CCN4: variants seen among roughly 807,000 people sequenced by gnomAD.
The protein encoded by CCN4 is CCN family member 4.
Under a neutral mutation model 36.7 loss-of-function variants are expected in CCN4, and 30 were observed. That is an observed-to-expected ratio of 0.82 (90% CI 0.61 to 1.11). CCN4 has a LOEUF of 1.11. Ranked by LOEUF, CCN4 falls within the 50% of genes least tolerant of loss-of-function variation. The pLI is 0.00. For synonymous variants in CCN4, 191 were observed against 195.4 expected (o/e 0.98, Z 0.19); for missense variants, 505 against 504.9 (o/e 1.00, Z 0.00).
chr8:133,215,735 AC>A (rs1292573804), intron 2 of CCN4, among the ~76,000 whole-genome samples: 4 of 152,228 alleles, frequency 2.6e-5, no homozygotes, highest in African/African-American at 9.6e-5. Context: ...TTTGAAAAAA[AC>A]AAAAACTGTA....
At chr8:133,217,952 A>G (rs990528214) in intron 2 of CCN4, among the ~76,000 whole-genome samples, 1 of 151,802 alleles carries the variant, frequency 6.6e-6, no homozygotes, top group Non-Finnish European at 1.5e-5. Context: ...ACACACACAC[A>G]CACACACACT....
At chr8:133,200,941 C>A (rs138675601) in intron 1 of CCN4, among the ~76,000 whole-genome samples, 1 of 152,296 alleles carries the variant, frequency 6.6e-6, no homozygotes, top group Non-Finnish European at 1.5e-5. Context: ...CCCTCTCTGC[C>A]CTCCCTCTCA....
At chr8:133,204,038 C>T (rs1363616772) in intron 1 of CCN4, among the ~76,000 whole-genome samples, 7 of 151,816 alleles carry the variant, frequency 4.6e-5, no homozygotes, top group African/African-American at 7.3e-5. Flanking sequence ...ATTTTTTTTC[C>T]TTCCCAATTT....
intron 1 of CCN4, among the ~76,000 whole-genome samples, chr8:133,208,820 T>G (rs148146628): frequency 3.3e-5 from 5 of 152,276 alleles, no homozygotes; most frequent in Admixed American, 3.3e-4. Flanking sequence ...CAGGTCTGCT[T>G]GGCTCTCACA....
intron 1 of CCN4, among the ~76,000 whole-genome samples, chr8:133,203,702 C>A (rs1044632453): frequency 1.3e-5 from 2 of 152,114 alleles, no homozygotes; most frequent in African/African-American, 4.8e-5. Context: ...TTGCAGATGA[C>A]GTGCCCTTTC....
chr8:133,191,746 G>A (rs1326962252), intron 1 of CCN4, among the ~76,000 whole-genome samples: 11 of 152,214 alleles, frequency 7.2e-5, no homozygotes, highest in Admixed American at 7.2e-4. Context: ...TCCTTATTGA[G>A]CAAACAGTGC....
chr8:133,203,690 C>T (rs1853667638), intron 1 of CCN4, among the ~76,000 whole-genome samples: 1 of 152,176 alleles, frequency 6.6e-6, no homozygotes, highest in Non-Finnish European at 1.5e-5. Context: ...GGGGTCCCCT[C>T]ATTGCAGATG....
chr8:133,224,229 C>CTTTTTTTTTTTT lies in CCN4; in HGVS notation c.611-1143_611-1132dup, dbSNP rs59929763. 1.1e-4 allele frequency among the ~76,000 whole-genome samples: 10 copies of CTTTTTTTTTTTT among 88,494 alleles called. 5 individuals are homozygous for CTTTTTTTTTTTT. The highest frequency in any genetic ancestry group is 8.9e-5 in the African/African-American group (2 of 22,448). The allele number at this position is 88,494 out of a possible 152,430, so 58.1% of individuals were successfully genotyped here. A position where few individuals can be genotyped will look rare whatever the true frequency, so the allele number is the denominator to read the frequency against. On this transcript the variant is annotated intron_variant, in intron 3 of 4. Transcript: ENST00000250160. ...GATTTGAATTTGAAGCCCGTAAGTCCTTTTTTTTTTTTTTTTTTTTTTTTT... is the reference window on the plus strand; with the variant it reads ...GATTTGAATTTGAAGCCCGTAAGTCCTTTTTTTTTTTTTTTTTTTTTTTTTTTTTTTTTTTTT...
chr8:133,214,103 G>GTAGTTATACATACTATATATACAC (rs1854217983), intron 2 of CCN4, among the ~76,000 whole-genome samples: 1 of 74,572 alleles, frequency 1.3e-5, no homozygotes, highest in Non-Finnish European at 2.5e-5. Flanking sequence ...ACTATATATA[G>GTAGTTATACATACTATATATACAC]TATATATAGT....
At chr8:133,205,385 C>T (rs1306829631) in intron 1 of CCN4, among the ~76,000 whole-genome samples, 3 of 151,716 alleles carry the variant, frequency 2.0e-5, no homozygotes, top group Admixed American at 6.6e-5. Context: ...CTTTTTTTTC[C>T]CCCTCCTCTG....
chr8:133,199,404 T>C (rs955736428), intron 1 of CCN4, among the ~76,000 whole-genome samples: 2 of 152,274 alleles, frequency 1.3e-5, no homozygotes, highest in African/African-American at 4.8e-5. Context: ...TTAAATTTCC[T>C]GGGTCTCAGT....
At chr8:133,203,629 G>A (rs1460313639) in intron 1 of CCN4, among the ~76,000 whole-genome samples, 1 of 152,160 alleles carries the variant, frequency 6.6e-6, no homozygotes, top group Non-Finnish European at 1.5e-5. Flanking sequence ...AGGTGAGCAC[G>A]GCTCCAGATC....
intron 1 of CCN4, among the ~76,000 whole-genome samples, chr8:133,191,487 C>T (rs565432519): frequency 1.1e-4 from 16 of 152,260 alleles, no homozygotes; most frequent in Admixed American, 4.6e-4. Context: ...GCAGAAAGAA[C>T]GGGGCCCTCA....
At chr8:133,202,411 C>A (rs577508266) in intron 1 of CCN4, among the ~76,000 whole-genome samples, 7 of 152,258 alleles carry the variant, frequency 4.6e-5, no homozygotes, top group Admixed American at 4.6e-4. Flanking sequence ...CTGACACTGG[C>A]CACTGCATGT....
intron 1 of CCN4, among the ~76,000 whole-genome samples, chr8:133,200,370 G>A (rs1042425166): frequency 3.9e-5 from 6 of 152,164 alleles, no homozygotes; most frequent in Non-Finnish European, 4.4e-5. Context: ...CTACCCCATC[G>A]GGTAGATGCC....
intron 1 of CCN4, among the ~76,000 whole-genome samples, chr8:133,200,991 T>G (rs940601494): frequency 1.2e-4 from 18 of 152,232 alleles, no homozygotes; most frequent in African/African-American, 4.1e-4. Flanking sequence ...TGCAAATGTC[T>G]GCTCCTCTAG....
chr8:133,220,539 G>T, intron 2 of CCN4, 42 bp from the exon 3 acceptor site: 1 of 1,595,152 alleles, frequency 6.3e-7, no homozygotes, highest in Non-Finnish European at 8.6e-7. Context: ...CCAGCCAGGG[G>T]CACCAAGGCC....
intron 1 of CCN4, among the ~76,000 whole-genome samples, chr8:133,208,668 C>A (rs781012266): frequency 1.3e-5 from 2 of 152,100 alleles, no homozygotes; most frequent in East Asian, 1.9e-4. Flanking sequence ...AGGGTCCTTG[C>A]GCATTGGGTA....
Position 133,220,803 on chromosome 8 carries a change from G to A in CCN4, c.572G>A (p.Arg191Lys), listed in dbSNP as rs1854497158. The change falls in exon 3 of 5, where the codon AGG (arginine) becomes AAG (lysine). Residue 191 changes from arginine (R) to lysine (K), a missense_variant. Physicochemically the swap from Arg to Lys is conservative, Grantham distance 26. Transcript: ENST00000250160. ...TGGGTATGTGAGGACGACGCCAAGA[G>A]GCCACGCAAGACCGCACCCCGTGAC... ...EQWVCEDDAK[R>K]PRKTAPRDTG... 4 of 1,609,664 alleles carry A rather than the reference G, an allele frequency of 2.5e-6. No homozygotes were observed. Among genetic ancestry groups the A allele is most frequent in the Admixed American group, 1.7e-5 (1 of 59,948 alleles).
Sources: allele counts gnomAD v4.1 joint callset (sites outside exome capture counted in the v4.1 genomes callset), GRCh38; gene constraint gnomAD v4.1.1; transcripts MANE v1.5; gene names NCBI Gene and HGNC (gene_info 2026-07-23, HGNC 2026-07-21).